The following LYST variants were observed in gnomAD, a reference collection of about 807,000 sequenced individuals.
The protein encoded by LYST is lysosomal-trafficking regulator.
LYST carries 192 observed loss-of-function variants against 413.6 expected under a neutral mutation model. That is an observed-to-expected ratio of 0.46 (90% CI 0.41 to 0.52). The LOEUF (loss-of-function observed/expected upper bound fraction) is 0.52, where lower values mean the gene tolerates loss of function less well. Ranked by LOEUF, LYST falls within the 20% of genes least tolerant of loss-of-function variation. The pLI is 0.00. For synonymous variants in LYST, 1,525 were observed against 1,567.3 expected (o/e 0.97, Z 0.64); for missense variants, 3,815 against 4,499.9 (o/e 0.85, Z 4.35).
chr1:235,831,652 A>C (rs976025339), intron 2 of LYST, among the ~76,000 whole-genome samples: 2 of 152,302 alleles, frequency 1.3e-5, no homozygotes, highest in East Asian at 3.9e-4. Context: ...TCAAAATTCT[A>C]GGTATTACAG....
At position 235,738,503 on chromosome 1, in the gene LYST, C is replaced by A. The variant is rs565568362; in HGVS notation, c.8358+2919G>T. On this transcript the variant is annotated intron_variant, in intron 31 of 52. Transcript: ENST00000389793. ...GAAGTGGTTGCAATCTGGACTCAGC[C>A]CAATTCCGTTACCCAATGGGGGAAA... 10 of 1,612,118 alleles carry A rather than the reference C, an allele frequency of 6.2e-6. No individual in the cohort carries two copies. The East Asian group carries it at 2.2e-4, about 36-fold the overall frequency.
intron 1 of LYST, among the ~76,000 whole-genome samples, chr1:235,862,159 T>C (rs750469214): frequency 1.3e-5 from 2 of 152,196 alleles, no homozygotes; most frequent in Non-Finnish European, 2.9e-5. Flanking sequence ...GGCCAGTTGA[T>C]ATGATATGAT....
chr1:235,876,195 C>T (rs1050077551), intron 1 of LYST, among the ~76,000 whole-genome samples: 2 of 152,234 alleles, frequency 1.3e-5, no homozygotes, highest in Middle Eastern at 3.4e-3. Flanking sequence ...GCACTCCATC[C>T]TGGGTGACAG....
intron 2 of LYST, among the ~76,000 whole-genome samples, chr1:235,831,941 A>C (rs1464392945): frequency 6.6e-6 from 1 of 152,224 alleles, no homozygotes; most frequent in Non-Finnish European, 1.5e-5. Context: ...AAAAAGAATT[A>C]AACTATGACA....
chr1:235,678,596 AATAAGT>A (rs1348542971), intron 48 of LYST, among the ~76,000 whole-genome samples: 4 of 152,216 alleles, frequency 2.6e-5, no homozygotes, highest in South Asian at 2.1e-4. Flanking sequence ...AAGTAGAAAG[AATAAGT>A]ATAATAAAGA....
At chr1:235,760,844 C>T (rs1667509205) in intron 22 of LYST, among the ~76,000 whole-genome samples, 1 of 152,140 alleles carries the variant, frequency 6.6e-6, no homozygotes, top group Admixed American at 6.5e-5. Context: ...GCTAAAGTTG[C>T]CAAAAGATTC....
In LYST at chr1:235,805,811, G is replaced by C. The variant is rs1672770287; in HGVS notation, c.3325C>G (p.Leu1109Val). The C allele has an allele frequency of 8.7e-6, 14 of 1,613,376 alleles. No individual in the cohort carries two copies. The highest frequency in any genetic ancestry group is 1.3e-5 in the African/African-American group (1 of 74,804). Residue 1109 changes from leucine (L) to valine (V), a missense_variant, in exon 6 of 53, where the codon CTT (leucine) becomes GTT (valine). Leu to Val is a conservative substitution (Grantham distance 32). Transcript: ENST00000389793. ...SLQSIRLLEA[L>V]LAICLHGART... Reference sequence around the variant, plus strand: ...GCACCATGAAGACAAATGGCCAGAAGGGCTTCCAAAAGTCGTATACTTTGA... The same window carrying C: ...GCACCATGAAGACAAATGGCCAGAACGGCTTCCAAAAGTCGTATACTTTGA...
At chr1:235,690,412 G>A (rs1660555938) in intron 47 of LYST, among the ~76,000 whole-genome samples, 1 of 152,028 alleles carries the variant, frequency 6.6e-6, no homozygotes, top group South Asian at 2.1e-4. Flanking sequence ...TATACTACAA[G>A]CTTTGCCATG....
Position 235,759,437 on chromosome 1 carries a change from T to C in LYST, c.6416A>G (p.Tyr2139Cys). The C allele has an allele frequency of 2.5e-6, 4 of 1,614,142 alleles. No homozygotes were observed. The highest frequency in any genetic ancestry group is 3.4e-6 in the Non-Finnish European group (4 of 1,180,002). ...IDRLQNIADT[Y>C]VATQSKKQNS... is the part of the protein sequence containing the mutation. Reference sequence around the variant, plus strand: ...TTGTTTCTTTGATTGGGTGGCAACATAAGTATCTGCAATATTTTGTAACCT... The same window carrying C: ...TTGTTTCTTTGATTGGGTGGCAACACAAGTATCTGCAATATTTTGTAACCT... The change falls in exon 23 of 53, where the codon TAT (tyrosine) becomes TGT (cysteine). Residue 2139 changes from tyrosine to cysteine, a missense_variant. Tyr to Cys is a radical substitution (Grantham distance 194, BLOSUM62 -2). Coordinates refer to ENST00000389793, the MANE Select transcript of LYST (RefSeq NM_000081.4).
At chr1:235,795,783 T>C (rs1671492194) in intron 10 of LYST, among the ~76,000 whole-genome samples, 1 of 152,064 alleles carries the variant, frequency 6.6e-6, no homozygotes, top group Admixed American at 6.6e-5. Context: ...CATAAAAATA[T>C]TAGAGAATTA....
chr1:235,853,275 C>A (rs1226212839), intron 1 of LYST, among the ~76,000 whole-genome samples: 2 of 152,086 alleles, frequency 1.3e-5, no homozygotes, highest in African/African-American at 2.4e-5. Flanking sequence ...CTCTAAAGAG[C>A]ATCAGAAATT....
rs571589187 is a variant in LYST at position 235,764,500 on chromosome 1, T to C, written c.6121+1579A>G. ...CATTTCTTTTTTTTTCTTTTCTTTT[T>C]TTTTTTTTTTTTTTTTGAGATGGAG... On this transcript the variant is annotated intron_variant, in intron 21 of 52. Coordinates refer to ENST00000389793, the MANE Select transcript of LYST (RefSeq NM_000081.4). Among the ~76,000 whole-genome samples, 252 of 140,510 alleles carry C rather than the reference T, an allele frequency of 1.8e-3. 2 individuals are homozygous for C. In the East Asian group the frequency reaches 0.02, roughly 11 times the overall value. The allele number at this position is 140,510 out of a possible 152,430, so 92.2% of individuals were successfully genotyped here. A position where few individuals can be genotyped will look rare whatever the true frequency, so the allele number is the denominator to read the frequency against.
At chr1:235,842,443 C>T (rs982151643) in intron 1 of LYST, among the ~76,000 whole-genome samples, 8 of 152,138 alleles carry the variant, frequency 5.3e-5, no homozygotes, top group Admixed American at 2.6e-4. Flanking sequence ...AGTTAAGTAA[C>T]CATGAAGCTA....
chr1:235,841,724 T>C (rs1010987851), intron 1 of LYST, among the ~76,000 whole-genome samples: 2 of 152,074 alleles, frequency 1.3e-5, no homozygotes, highest in Admixed American at 6.6e-5. Flanking sequence ...AGGGGACACA[T>C]CATCCTCTGA....
chr1:235,689,061 C>G (rs1018411949), intron 47 of LYST, among the ~76,000 whole-genome samples: 103 of 145,256 alleles, frequency 7.1e-4, no homozygotes, highest in Non-Finnish European at 1.2e-3. Context: ...AATATCCTAG[C>G]TGAATTTTCT....
chr1:235,715,128 C>T (rs1429657606), intron 42 of LYST, 73 bp downstream of exon 42: 8 of 1,180,560 alleles, frequency 6.8e-6, no homozygotes, highest in African/African-American at 1.5e-5. Flanking sequence ...AATGTCAGTC[C>T]TAAGTTGTTG....
At chr1:235,830,727 A>C (rs2102999262) in intron 2 of LYST, among the ~76,000 whole-genome samples, 1 of 152,296 alleles carries the variant, frequency 6.6e-6, no homozygotes, top group South Asian at 2.1e-4. Flanking sequence ...TTCTTTCTTA[A>C]ATACAATAAA....
intron 43 of LYST, among the ~76,000 whole-genome samples, chr1:235,710,272 C>A (rs1314470920): frequency 6.6e-6 from 1 of 152,080 alleles, no homozygotes. Flanking sequence ...GGGATGTGAG[C>A]ATCTCAGAAA....
intron 19 of LYST, among the ~76,000 whole-genome samples, chr1:235,771,917 G>GTTTTTTTTTTTTTT (rs1215590592): frequency 1.7e-4 from 12 of 72,696 alleles, no homozygotes; most frequent in African/African-American, 4.4e-4. Context: ...TTTTTAGTTT[G>GTTTTTTTTTTTTTT]TTTTTTTTTT....
Sources: allele counts gnomAD v4.1 joint callset (sites outside exome capture counted in the v4.1 genomes callset), GRCh38; gene constraint gnomAD v4.1.1; transcripts MANE v1.5; gene names NCBI Gene and HGNC (gene_info 2026-07-23, HGNC 2026-07-21).